PDE11A: variants seen among roughly 807,000 people sequenced by gnomAD.
The protein encoded by PDE11A is dual 3',5'-cyclic-AMP and -GMP phosphodiesterase 11A.
Under a neutral mutation model 100.5 loss-of-function variants are expected in PDE11A, and 100 were observed. The observed-to-expected ratio is 1.00, with a 90% confidence interval of 0.85 to 1.18. The LOEUF (loss-of-function observed/expected upper bound fraction) is 1.18. Among genes scored for constraint, PDE11A ranks in the 50% most tolerant of loss-of-function variants. The pLI is 0.00. For synonymous variants in PDE11A, 381 were observed against 420.8 expected (o/e 0.91, Z 1.16); for missense variants, 1,141 against 1,152.6 (o/e 0.99, Z 0.15).
chr2:178,047,726 G>T (rs1289933570), intron 1 of PDE11A, among the ~76,000 whole-genome samples: 1 of 152,070 alleles, frequency 6.6e-6, no homozygotes, highest in Non-Finnish European at 1.5e-5. Flanking sequence ...TAAAATTTTG[G>T]GGAAGGATTA....
intron 2 of PDE11A, among the ~76,000 whole-genome samples, chr2:177,965,404 C>G (rs1206012949): frequency 6.6e-6 from 1 of 152,140 alleles, no homozygotes; most frequent in Admixed American, 6.5e-5. Context: ...GTTGCAATTG[C>G]TTTTGGAGTC....
intron 9 of PDE11A, among the ~76,000 whole-genome samples, chr2:177,791,337 T>C (rs1270692810): frequency 9.9e-5 from 13 of 131,804 alleles, no homozygotes; most frequent in South Asian, 4.7e-4. Context: ...AATTGAACAA[T>C]GAGAACACGT....
intron 2 of PDE11A, among the ~76,000 whole-genome samples, chr2:177,945,499 T>A (rs2085402153): frequency 6.8e-6 from 1 of 146,168 alleles, no homozygotes; most frequent in East Asian, 2.0e-4. Flanking sequence ...AGGAGGCCTC[T>A]GCCCGGCCGA....
intron 15 of PDE11A, 38 bp from the exon 16 acceptor site, chr2:177,680,941 A>G: frequency 8.5e-7 from 1 of 1,172,628 alleles, no homozygotes; most frequent in East Asian, 2.3e-5. Context: ...AGAAAAAAAA[A>G]ACTGGAATGA....
chr2:177,854,941 A>G (rs1438053), intron 5 of PDE11A, among the ~76,000 whole-genome samples: 31,901 of 152,116 alleles, frequency 0.21, 3,513 homozygotes, highest in Middle Eastern at 0.27. Context: ...AGTAGTCAAA[A>G]AGAAAGTCCT....
intron 19 of PDE11A, among the ~76,000 whole-genome samples, chr2:177,640,782 TC>T (rs1438022971): frequency 6.6e-6 from 1 of 152,154 alleles, no homozygotes; most frequent in Non-Finnish European, 1.5e-5. Flanking sequence ...ACAACTGAAT[TC>T]CTCACCTTCC....
chr2:177,646,275 G>A (rs2080222434), intron 19 of PDE11A, among the ~76,000 whole-genome samples: 1 of 152,198 alleles, frequency 6.6e-6, no homozygotes, highest in East Asian at 1.9e-4. Context: ...TCAACTGAAT[G>A]AAACAAGTCT....
At chr2:178,084,677 G>C (rs1013577117) in intron 2 of PDE11A, among the ~76,000 whole-genome samples, 1 of 152,082 alleles carries the variant, frequency 6.6e-6, no homozygotes, top group Non-Finnish European at 1.5e-5. Flanking sequence ...AATGAGACTG[G>C]GTTCAACAGA....
At chr2:178,002,980 C>A (rs754268567) in intron 2 of PDE11A, among the ~76,000 whole-genome samples, 2 of 152,048 alleles carry the variant, frequency 1.3e-5, no homozygotes, top group Non-Finnish European at 2.9e-5. Flanking sequence ...CAGGGTAAGA[C>A]AAATGAAAAC....
chr2:177,780,381 T>C (rs1379480553), intron 9 of PDE11A, among the ~76,000 whole-genome samples: 1 of 152,134 alleles, frequency 6.6e-6, no homozygotes, highest in Non-Finnish European at 1.5e-5. Context: ...CCACCACTTC[T>C]GGCTTGATTT....
chr2:177,680,427 A>C (rs1276278299), intron 16 of PDE11A, among the ~76,000 whole-genome samples: 1 of 152,126 alleles, frequency 6.6e-6, no homozygotes, highest in African/African-American at 2.4e-5. Context: ...CTGGTTTTCT[A>C]TCCGCAATGC....
chr2:177,843,454 G>A (rs2083523371), intron 5 of PDE11A, among the ~76,000 whole-genome samples: 1 of 152,162 alleles, frequency 6.6e-6, no homozygotes, highest in Admixed American at 6.5e-5. Flanking sequence ...CACAGGAACA[G>A]GGAGGAAAAA....
chr2:177,777,234 G>A (rs1375814664), intron 9 of PDE11A, among the ~76,000 whole-genome samples: 2 of 143,470 alleles, frequency 1.4e-5, no homozygotes, highest in East Asian at 4.0e-4. Flanking sequence ...AATATTTGTT[G>A]TTTAAGTGAC....
chr2:177,869,733 C>G (rs1271754871), intron 5 of PDE11A, among the ~76,000 whole-genome samples: 1 of 152,152 alleles, frequency 6.6e-6, no homozygotes, highest in Admixed American at 6.5e-5. Context: ...TGATATTGTT[C>G]AAAATGAAAT....
At chr2:177,759,501 C>A (rs1219025757) in intron 10 of PDE11A, among the ~76,000 whole-genome samples, 1 of 152,166 alleles carries the variant, frequency 6.6e-6, no homozygotes, top group Non-Finnish European at 1.5e-5. Context: ...CTGATGTTTG[C>A]AATCTCATAT....
In PDE11A at chr2:177,781,867, A is replaced by C. The variant is rs1574135610; in HGVS notation, c.1738-12494T>G. 2.0e-5 allele frequency among the ~76,000 whole-genome samples: 3 copies of C among 152,284 alleles called. No individual in the cohort carries two copies. The South Asian group carries it at 6.2e-4, about 32-fold the overall frequency. Reference sequence around the variant, plus strand: ...CCGTTTTTGCTTTTGTTTTATCCAAAGGTATGAAGCCAACTCTCCAGTGGT... The same window carrying C: ...CCGTTTTTGCTTTTGTTTTATCCAACGGTATGAAGCCAACTCTCCAGTGGT... On this transcript the variant is annotated intron_variant, in intron 9 of 19. Transcript: ENST00000286063.
At chr2:177,848,435 G>A (rs1277733354) in intron 5 of PDE11A, among the ~76,000 whole-genome samples, 1 of 152,128 alleles carries the variant, frequency 6.6e-6, no homozygotes, top group Non-Finnish European at 1.5e-5. Flanking sequence ...ATTCACTTCA[G>A]CATAACACTC....
rs1428390349 is a variant in PDE11A at position 177,991,310 on chromosome 2, G to C, written c.1071+22992C>G. Among the ~76,000 whole-genome samples the C allele has an allele frequency of 6.2e-4, 87 of 141,268 alleles. 2 individuals are homozygous for C. The highest frequency in any genetic ancestry group is 6.1e-5 in the Non-Finnish European group (4 of 65,090). The allele number at this position is 141,268 out of a possible 152,430, so 92.7% of individuals were successfully genotyped here. A position where few individuals can be genotyped will look rare whatever the true frequency, so the allele number is the denominator to read the frequency against. On this transcript the variant is annotated intron_variant, in intron 2 of 19. Transcript: ENST00000286063. Reference sequence around the variant, plus strand: ...TGTGCCACTGTACTCCAGCCTGGGCGACAGAGTAAGACTCTGTCTCAAAAA... The same window carrying C: ...TGTGCCACTGTACTCCAGCCTGGGCCACAGAGTAAGACTCTGTCTCAAAAA...
intron 10 of PDE11A, among the ~76,000 whole-genome samples, chr2:177,738,987 C>T (rs753957706): frequency 1.3e-5 from 2 of 152,114 alleles, no homozygotes; most frequent in Non-Finnish European, 2.9e-5. Flanking sequence ...CTTGTTTCTG[C>T]AGTTTAAAAT....
Sources: allele counts gnomAD v4.1 joint callset (sites outside exome capture counted in the v4.1 genomes callset), GRCh38; gene constraint gnomAD v4.1.1; transcripts MANE v1.5; gene names NCBI Gene and HGNC (gene_info 2026-07-23, HGNC 2026-07-21).